The following KIAA1210 variants were observed in gnomAD, a reference collection of about 807,000 sequenced individuals.
KIAA1210 encodes acrosomal protein KIAA1210.
In KIAA1210, 48 loss-of-function variants were observed where a neutral mutation model predicts 78.9. That is an observed-to-expected ratio of 0.61 (90% CI 0.48 to 0.77). The LOEUF (loss-of-function observed/expected upper bound fraction) is 0.77. KIAA1210 is among the 30% of genes least tolerant of loss of function. KIAA1210 has a pLI of 0.00. For missense variants in KIAA1210, 1,108 were observed against 1,100.0 expected, an observed-to-expected ratio of 1.01 and a Z score of -0.10; for synonymous variants, 406 against 404.5, an observed-to-expected ratio of 1.00 and a Z score of -0.04.
chrX:119,095,457 C>T (rs189540934), intron 7 of KIAA1210, among the ~76,000 whole-genome samples: 3 of 111,352 alleles, frequency 2.7e-5, no homozygotes, highest in East Asian at 5.6e-4. Flanking sequence ...GACACAATCT[C>T]GGCTCACCAC....
intron 2 of KIAA1210, among the ~76,000 whole-genome samples, chrX:119,119,900 C>T (rs188711645): frequency 1.9e-5 from 2 of 104,529 alleles, no homozygotes; most frequent in African/African-American, 7.1e-5. Context: ...GGCACGAACC[C>T]GGGAGGCAGA....
At chrX:119,106,742 G>A (rs1180088836) in intron 5 of KIAA1210, among the ~76,000 whole-genome samples, 2 of 112,624 alleles carry the variant, frequency 1.8e-5, no homozygotes, top group Non-Finnish European at 3.7e-5. Flanking sequence ...AAATGTCTTG[G>A]AGAGTAATGT....
intron 8 of KIAA1210, among the ~76,000 whole-genome samples, chrX:119,090,178 C>CT (rs150584772): frequency 0.023 from 2,172 of 95,136 alleles, 63 homozygotes; most frequent in African/African-American, 0.073. Context: ...GCATGTATTG[C>CT]TTTTTTTTTT....
At chrX:119,139,297 C>G (rs1262368010) in intron 2 of KIAA1210, among the ~76,000 whole-genome samples, 1 of 111,580 alleles carries the variant, frequency 9.0e-6, no homozygotes, top group South Asian at 3.9e-4. Context: ...AAACAGAAAA[C>G]CTGAATTGGG....
At chrX:119,093,454 C>T (rs780853601) in intron 8 of KIAA1210, among the ~76,000 whole-genome samples, 4 of 112,043 alleles carry the variant, frequency 3.6e-5, no homozygotes, top group East Asian at 5.6e-4. Flanking sequence ...CAGGTATGAT[C>T]CTTTACCTGA....
chrX:119,084,328 G>C (rs766275110), intron 10 of KIAA1210, among the ~76,000 whole-genome samples: 1 of 111,292 alleles, frequency 9.0e-6, no homozygotes, highest in East Asian at 2.8e-4. Context: ...ATAACTTACA[G>C]GTAGGTGCCA....
chrX:119,086,530 G>C lies in KIAA1210; in HGVS notation c.4156+16C>G. 8.5e-7 allele frequency: 1 copy of C among 1,173,699 alleles called. No individual in the cohort carries two copies. The highest frequency in any genetic ancestry group is 1.1e-6 in the Non-Finnish European group (1 of 877,320). On this transcript the variant is annotated intron_variant, in intron 9 of 11. Transcript: ENST00000691062. Reference sequence around the variant, plus strand: ...ACTTGATATCTGCTTGCCATCTGGAGAGATAAAAGCCTTACCTGGGGTCTT... The same window carrying C: ...ACTTGATATCTGCTTGCCATCTGGACAGATAAAAGCCTTACCTGGGGTCTT...
intron 2 of KIAA1210, among the ~76,000 whole-genome samples, chrX:119,135,511 G>C (rs1306607105): frequency 1.8e-5 from 2 of 111,718 alleles, no homozygotes; most frequent in Non-Finnish European, 3.8e-5. Flanking sequence ...AGAACACTGG[G>C]AGACTCAAGA....
chrX:119,150,649 T>C (rs1929277044), upstream of KIAA1210: 4 of 1,062,061 alleles, frequency 3.8e-6, no homozygotes, highest in Admixed American at 2.7e-5. Context: ...GGTTGAGGAC[T>C]CTCCCGCTGC....
intron 2 of KIAA1210, among the ~76,000 whole-genome samples, chrX:119,145,841 G>A (rs1390300267): frequency 1.8e-5 from 2 of 112,033 alleles, no homozygotes; most frequent in African/African-American, 6.5e-5. Context: ...TCATGAAAGA[G>A]TAAAACCGTT....
At chrX:119,123,936 T>G (rs1928542501) in intron 1 of KIAA1210, among the ~76,000 whole-genome samples, 2 of 110,326 alleles carry the variant, frequency 1.8e-5, no homozygotes, top group South Asian at 3.8e-4. Context: ...TTTGTTTTGG[T>G]GGGGGGGGCG....
Position 119,105,052 on chromosome X carries a change from A to T in KIAA1210, c.588T>A (p.Asp196Glu). ...TCTTTTGTGGATTCTTAGGTGACTC[A>T]TCATCGAGAGAGATTTCTACCAAGT... The part of the protein sequence containing the change: ...SKNLVEISLD[D>E]ESPKNPQKKA... Residue 196 changes from aspartate to glutamate, a missense_variant, in exon 6 of 12, where the codon GAT (aspartate) becomes GAA (glutamate). Around this residue, in one of 5 missense-constraint regions of KIAA1210, gnomAD observed 672 missense variants for 607.1 expected, o/e 1.11. Coordinates refer to ENST00000691062, the MANE Select transcript of KIAA1210 (RefSeq NM_001394962.1). 3.3e-6 allele frequency: 4 copies of T among 1,209,763 alleles called. No homozygotes were observed. Among genetic ancestry groups the T allele is most frequent in the Non-Finnish European group, 4.5e-6 (4 of 894,199 alleles).
intron 6 of KIAA1210, among the ~76,000 whole-genome samples, chrX:119,098,411 C>T (rs1325347238): frequency 9.0e-6 from 1 of 111,234 alleles, no homozygotes; most frequent in Admixed American, 9.6e-5. Flanking sequence ...TTGAGGCCAG[C>T]TTGGCCAACA....
intron 4 of KIAA1210, 150 bp from the exon 5 acceptor site, chrX:119,108,621 T>C (rs1927968298): frequency 2.9e-6 from 2 of 683,555 alleles, no homozygotes; most frequent in Admixed American, 4.2e-5. Flanking sequence ...TCCCAGCACT[T>C]TGAGAGGCCA....
intron 1 of KIAA1210, among the ~76,000 whole-genome samples, chrX:119,126,666 T>C (rs1441790756): frequency 1.8e-5 from 2 of 111,975 alleles, no homozygotes; most frequent in Non-Finnish European, 3.8e-5. Flanking sequence ...CCCACATCAA[T>C]GGATTTACAC....
chrX:119,108,953 G>T, intron 4 of KIAA1210, 123 bp downstream of exon 4: 1 of 685,069 alleles, frequency 1.5e-6, no homozygotes, highest in Non-Finnish European at 2.2e-6. Flanking sequence ...CAACAGCCCT[G>T]TGGGGGTAGG....
At chrX:119,104,431 T>C (rs917379168) in intron 6 of KIAA1210, among the ~76,000 whole-genome samples, 5 of 112,373 alleles carry the variant, frequency 4.4e-5, no homozygotes, top group Admixed American at 2.8e-4. Context: ...TTTCCAAAGG[T>C]TAATCATTCT....
At position 119,089,151 on chromosome X, in the gene KIAA1210, C is replaced by T. The variant is rs1760262621; in HGVS notation, c.1551G>A (p.Val517=). 4 of 1,211,108 alleles carry T rather than the reference C, an allele frequency of 3.3e-6. No homozygotes were observed. The highest frequency in any genetic ancestry group is 3.5e-5 in the South Asian group (2 of 56,841). ...ACTGGATATGAGAAGGATTCATAAA[C>T]ACCTGAGCCTCTGCTGCTACTGAGA... ...AILSVAAEAQ[V]FMNPSHIQLE... The change falls in exon 9 of 12, where the codon GTG becomes GTA. Residue 517 remains valine, a synonymous_variant. Coordinates refer to ENST00000691062, the MANE Select transcript of KIAA1210 (RefSeq NM_001394962.1).
At chrX:119,093,576 G>C (rs2147174991) in intron 8 of KIAA1210, 91 bp downstream of exon 8, 2 of 588,238 alleles carry the variant, frequency 3.4e-6, no homozygotes, top group East Asian at 7.0e-5. Flanking sequence ...CAGCAGTCTT[G>C]GGTAGTTCTT....
Sources: gnomAD v4.1 joint callset for allele counts (sites outside exome capture counted in the v4.1 genomes callset) on GRCh38, gnomAD v4.1.1 for gene constraint, gnomAD v4.1.1 regional missense constraint, MANE v1.5 for transcripts, NCBI Gene and HGNC (gene_info 2026-07-23, HGNC 2026-07-21) for gene names.